MCM2: variants seen among roughly 807,000 people sequenced by gnomAD.
The protein encoded by MCM2 is minichromosome maintenance complex component 2.
MCM2 carries 49 observed loss-of-function variants against 86.4 expected under a neutral mutation model. The observed-to-expected ratio is 0.57, with a 90% CI of 0.45 to 0.72. MCM2 has a LOEUF of 0.72. Ranked by LOEUF, MCM2 falls within the 30% of genes least tolerant of loss-of-function variation. MCM2 has a pLI of 0.00. For missense variants in MCM2, 1,038 were observed against 1,259.9 expected (o/e 0.82, Z 2.67); for synonymous variants, 475 against 484.6 (o/e 0.98, Z 0.26).
chr3:127,605,441 T>C (rs796618076), intron 4 of MCM2, among the ~76,000 whole-genome samples: 1 of 147,532 alleles, frequency 6.8e-6, no homozygotes, highest in African/African-American at 2.6e-5. Context: ...ACTCTTTTTT[T>C]TTTTTTTTTT....
chr3:127,622,017 C>T lies in MCM2; in HGVS notation c.*244C>T. 2.2e-6 allele frequency: 1 copy of T among 448,558 alleles called. No individual in the cohort carries two copies. The highest frequency in any genetic ancestry group is 2.5e-5 in the South Asian group (1 of 39,370). The allele number at this position is 448,558 out of a possible 1,614,324, so 27.8% of individuals were successfully genotyped here. A position where few individuals can be genotyped will look rare whatever the true frequency, so the allele number is the denominator to read the frequency against. On this transcript the variant is annotated 3_prime_UTR_variant, in exon 16 of 16. Coordinates refer to ENST00000265056, the MANE Select transcript of MCM2 (RefSeq NM_004526.4). ...ACTTGGTTGCTGAACATCTTGCCAC[C>T]TCCGAGTGCTTTGTCTCCACTCAGT...
At position 127,604,932 on chromosome 3, in the gene MCM2, A is replaced by G. The variant is rs764317061; in HGVS notation, c.449A>G (p.Lys150Arg). 108 of 1,613,412 alleles carry G rather than the reference A, an allele frequency of 6.7e-5. No homozygotes were observed. The Admixed American group carries it at 1.8e-3, about 27-fold the overall frequency. ...GAGGACGAGGAGCGCCCTGCCCGCA[A>G]GCGCCGCCAGGTGGAGCGGGCCACG... ...DEEDEERPAR[K>R]RRQVERATED... Residue 150 changes from lysine to arginine, a missense_variant, in exon 4 of 16, where the codon AAG (lysine) becomes AGG (arginine). By Grantham distance (26) the Lys-to-Arg change is conservative. Coordinates refer to ENST00000265056, the MANE Select transcript of MCM2 (RefSeq NM_004526.4).
intron 2 of MCM2, 89 bp downstream of exon 2, chr3:127,599,636 A>C: frequency 8.4e-7 from 1 of 1,183,972 alleles, no homozygotes; most frequent in Middle Eastern, 2.5e-4. Flanking sequence ...AGCTGGGAGC[A>C]GATGAATCGA....
chr3:127,616,747 A>G (rs2074435878), intron 9 of MCM2, 121 bp from the exon 10 acceptor site: 2 of 1,133,088 alleles, frequency 1.8e-6, no homozygotes, highest in Non-Finnish European at 1.3e-6. Context: ...ATCCCTTTCT[A>G]GAGGGACTGT....
At chr3:127,601,059 T>G (rs574743140) in intron 2 of MCM2, among the ~76,000 whole-genome samples, 1 of 152,282 alleles carries the variant, frequency 6.6e-6, no homozygotes, top group East Asian at 1.9e-4. Flanking sequence ...TCATTCTCAG[T>G]TCTTACCCAA....
At chr3:127,609,877 C>G (rs1211168382) in intron 8 of MCM2, among the ~76,000 whole-genome samples, 1 of 108,558 alleles carries the variant, frequency 9.2e-6, no homozygotes, top group African/African-American at 3.6e-5. Context: ...GATGGAGTCT[C>G]TCTGTCACCC....
Position 127,606,514 on chromosome 3 carries a change from T to G in MCM2, c.894-96T>G, listed in dbSNP as rs1259478523. 1 of 1,309,780 alleles carries G rather than the reference T, an allele frequency of 7.6e-7. No homozygotes were observed. Among genetic ancestry groups the G allele is most frequent in the African/African-American group, 1.5e-5 (1 of 68,790 alleles). 81.1% of individuals were successfully genotyped at this position (1,309,780 alleles called of 1,614,324 possible). The stretch of plus-strand genomic sequence containing the variant: ...GGAGGGATCTTCCCGGGCTGGGGGC[T>G]GGGCCCAATTTCCAGGACAGTGTGT... On this transcript the variant is annotated intron_variant, in intron 5 of 15. Transcript: ENST00000265056. This position sits in a 1 kb window ranked among gnomAD's most constrained non-coding sequence, Gnocchi z 4.2.
At chr3:127,612,698 C>A (rs1559865108) in intron 8 of MCM2, among the ~76,000 whole-genome samples, 1 of 152,104 alleles carries the variant, frequency 6.6e-6, no homozygotes, top group African/African-American at 2.4e-5. Flanking sequence ...GCTTTTTCTC[C>A]GTTTGCTGGG....
intron 7 of MCM2, 40 bp from the exon 8 acceptor site, chr3:127,608,791 CT>C: frequency 1.9e-6 from 3 of 1,603,340 alleles, no homozygotes; most frequent in Non-Finnish European, 2.6e-6. Flanking sequence ...GTGGGCACCC[CT>C]GGGTTAGGCT....
Position 127,605,984 on chromosome 3 carries a change from G to A in MCM2, c.674-134G>A, listed in dbSNP as rs554619254. 3.6e-5 allele frequency: 24 copies of A among 670,198 alleles called. No individual in the cohort carries two copies. In the South Asian group the frequency reaches 4.0e-4, roughly 11 times the overall value. The allele number at this position is 670,198 out of a possible 1,614,324, so 41.5% of individuals were successfully genotyped here. ...TCACAGCTGAAGTGTGGTAGACCTA[G>A]AAGTGAAAGCTGGGCTTTCTAGGTC... On this transcript the variant is annotated intron_variant, in intron 4 of 15. Transcript: ENST00000265056.
intron 13 of MCM2, 142 bp downstream of exon 13, chr3:127,619,420 C>CA: frequency 9.8e-7 from 1 of 1,016,550 alleles, no homozygotes; most frequent in Non-Finnish European, 1.4e-6. Context: ...ATGTAGGTGC[C>CA]AGGCACAGTG....
chr3:127,615,936 A>AG lies in MCM2; in HGVS notation c.1507dup (p.Glu503GlyfsTer14). 6.2e-7 allele frequency: 1 copy of AG among 1,614,028 alleles called. No homozygotes were observed. Among genetic ancestry groups the AG allele is most frequent in the Non-Finnish European group, 8.5e-7 (1 of 1,179,980 alleles). ...GAGGCCTGGCTCTGGCCCTGTTCGGAGGGGAGCCCAAAAACCCAGGTGAGC... is the reference window on the plus strand; with the variant it reads ...GAGGCCTGGCTCTGGCCCTGTTCGGAGGGGGAGCCCAAAAACCCAGGTGAGC... On this transcript the variant is annotated frameshift_variant, in exon 9 of 16. Transcript: ENST00000265056. LOFTEE classifies it high-confidence loss of function.
intron 13 of MCM2, 34 bp from the exon 14 acceptor site, chr3:127,620,664 C>T: frequency 6.5e-7 from 1 of 1,539,986 alleles, no homozygotes; most frequent in Non-Finnish European, 8.8e-7. Context: ...CTCTTTCCTG[C>T]CCGTGAAAGA....
chr3:127,613,455 A>G (rs1472060534), intron 8 of MCM2, among the ~76,000 whole-genome samples: 1 of 152,146 alleles, frequency 6.6e-6, no homozygotes, highest in East Asian at 1.9e-4. Context: ...CTAGATAGCA[A>G]TGTTCCTGTG....
Position 127,606,269 on chromosome 3 carries a change from C to A in MCM2, c.825C>A (p.Asp275Glu), listed in dbSNP as rs557574890. 1 of 1,614,250 alleles carries A rather than the reference C, an allele frequency of 6.2e-7. No homozygotes were observed. The highest frequency in any genetic ancestry group is 8.5e-7 in the Non-Finnish European group (1 of 1,180,048). Residue 275 changes from aspartate to glutamate, a missense_variant, in exon 5 of 16, where the codon GAC becomes GAA. By Grantham distance (45) the Asp-to-Glu change is conservative. Around this residue, in one of 4 missense-constraint regions of MCM2, gnomAD observed 399 missense variants for 507.2 expected, o/e 0.79. Transcript: ENST00000265056. The surrounding 1 kb of genome is among the most constrained non-coding windows in gnomAD (Gnocchi z 4.2). ...EVVLAMYPKYDRITNHIHVRI... is the reference protein window; with the variant it reads ...EVVLAMYPKYERITNHIHVRI... The stretch of plus-strand genomic sequence containing the variant: ...TACTGGCCATGTACCCCAAGTACGA[C>A]CGCATCACCAACCACATCCATGTCC...
chr3:127,621,714 T>C lies in MCM2; in HGVS notation c.2656T>C (p.Phe886Leu), dbSNP rs1193301634. The part of the protein sequence containing the change: ...NLSAFYDSEL[F>L]RMNKFSHDLK... ...CTCTGCATTTTATGACAGTGAGCTCTTCAGGATGAACAAGTTCAGCCACGA... is the reference window on the plus strand; with the variant it reads ...CTCTGCATTTTATGACAGTGAGCTCCTCAGGATGAACAAGTTCAGCCACGA... The change falls in exon 16 of 16, where the codon TTC (phenylalanine) becomes CTC (leucine). Residue 886 changes from phenylalanine to leucine, a missense_variant. By Grantham distance (22) the Phe-to-Leu change is conservative (BLOSUM62 0). Coordinates refer to ENST00000265056, the MANE Select transcript of MCM2 (RefSeq NM_004526.4). 1 of 1,614,174 alleles carries C rather than the reference T, an allele frequency of 6.2e-7. No individual in the cohort carries two copies. Among genetic ancestry groups the C allele is most frequent in the Admixed American group, 1.7e-5 (1 of 60,020 alleles).
chr3:127,608,707 A>T, intron 7 of MCM2, 125 bp from the exon 8 acceptor site: 1 of 1,197,338 alleles, frequency 8.4e-7, no homozygotes, highest in Non-Finnish European at 1.2e-6. Context: ...GAGGGGTTTT[A>T]CTGAGTTACT....
chr3:127,614,938 C>T (rs1483321165), intron 8 of MCM2, among the ~76,000 whole-genome samples: 1 of 152,190 alleles, frequency 6.6e-6, no homozygotes, highest in Non-Finnish European at 1.5e-5. Flanking sequence ...GGACATTTCT[C>T]CAAGAAGCCC....
rs375179722 is a variant in MCM2, at chr3:127,598,435, G to A, written c.-32G>A. 2 of 1,613,534 alleles carry A rather than the reference G, an allele frequency of 1.2e-6. No individual in the cohort carries two copies. Among genetic ancestry groups the A allele is most frequent in the East Asian group, 4.5e-5 (2 of 44,838 alleles). ...ACTTTTCGCGCGAAACCTGGTTGTT[G>A]CTGTAGTGGCGGAGAGGATCGTGGT... On this transcript the variant is annotated 5_prime_UTR_variant, in exon 1 of 16. Coordinates refer to ENST00000265056, the MANE Select transcript of MCM2 (RefSeq NM_004526.4).
Sources: gnomAD v4.1 joint callset for allele counts (sites outside exome capture counted in the v4.1 genomes callset) on GRCh38, gnomAD v4.1.1 for gene constraint, gnomAD v4.1.1 regional missense constraint, Gnocchi (gnomAD v3.1) non-coding constraint, MANE v1.5 for transcripts, NCBI Gene and HGNC (gene_info 2026-07-23, HGNC 2026-07-21) for gene names.